NAP1L1: variants seen among roughly 807,000 people sequenced by gnomAD.
NAP1L1 encodes nucleosome assembly protein 1-like 1.
A neutral mutation model predicts 58.9 loss-of-function variants in NAP1L1; 9 were observed. That is an observed-to-expected ratio of 0.15 (90% CI 0.09 to 0.27). The LOEUF is 0.27. NAP1L1 is among the 10% of genes least tolerant of loss of function. The probability of loss-of-function intolerance (pLI) is 1.00; values close to 1 mark genes in which losing one functional copy is unlikely to be tolerated. For synonymous variants in NAP1L1, 130 were observed against 138.3 expected (o/e 0.94, Z 0.42); for missense variants, 302 against 458.8 (o/e 0.66, Z 3.12).
chr12:76,066,753 T>C (rs576468740), intron 4 of NAP1L1, among the ~76,000 whole-genome samples: 2 of 152,234 alleles, frequency 1.3e-5, no homozygotes, highest in African/African-American at 4.8e-5. Flanking sequence ...ACTTAAAGGC[T>C]TCCACACTCT....
intron 1 of NAP1L1, among the ~76,000 whole-genome samples, chr12:76,074,681 T>C (rs1009079745): frequency 2.6e-5 from 4 of 152,236 alleles, no homozygotes; most frequent in African/African-American, 9.6e-5. Flanking sequence ...TTTAGCAATA[T>C]TCATTTTATG....
rs142329196 is a variant in NAP1L1, at chr12:76,038,594, A to G, written c.*9835T>C. 1.3e-5 allele frequency: 2 copies of G among 152,332 alleles called. No homozygotes were observed. The highest frequency in any genetic ancestry group is 3.9e-4 in the East Asian group (2 of 5,192). The allele number at this position is 152,332 out of a possible 1,614,324, so 9.4% of individuals were successfully genotyped here. A position where few individuals can be genotyped will look rare whatever the true frequency, so the allele number is the denominator to read the frequency against. On this transcript the variant is annotated 3_prime_UTR_variant, in exon 15 of 15. Coordinates refer to ENST00000618691, the MANE Select transcript of NAP1L1 (RefSeq NM_004537.7). The stretch of plus-strand genomic sequence containing the variant: ...GTAGTGGTGTTACTTTAGAAGAACA[A>G]CTCAGGCTTCAGAGAGGGTAAGTTT...
At chr12:76,073,960 T>C (rs1950078202) in intron 2 of NAP1L1, 3 of 388,568 alleles carry the variant, frequency 7.7e-6, no homozygotes, top group Non-Finnish European at 1.4e-5. Flanking sequence ...GCTCAGCATT[T>C]TCTTAAAAAT....
At chr12:76,057,949 A>G (rs1949197944) in intron 6 of NAP1L1, 2 of 1,034,348 alleles carry the variant, frequency 1.9e-6, no homozygotes, top group Admixed American at 1.9e-5. Flanking sequence ...AACTTTTGAA[A>G]TTGATCTTAA....
intron 4 of NAP1L1, among the ~76,000 whole-genome samples, chr12:76,065,163 A>G (rs960143859): frequency 6.6e-6 from 1 of 152,110 alleles, no homozygotes; most frequent in African/African-American, 2.4e-5. Context: ...TATCCAAAAT[A>G]AGTATTTCCA....
intron 4 of NAP1L1, among the ~76,000 whole-genome samples, chr12:76,061,369 G>A (rs1592650179): frequency 6.6e-6 from 1 of 152,184 alleles, no homozygotes; most frequent in Admixed American, 6.5e-5. Flanking sequence ...TGGTAAGTAA[G>A]AATGTACGAT....
rs1056878830 is a variant in NAP1L1 at position 76,048,204 on chromosome 12, G to A, written c.*225C>T. On this transcript the variant is annotated 3_prime_UTR_variant, in exon 15 of 15. Coordinates refer to ENST00000618691, the MANE Select transcript of NAP1L1 (RefSeq NM_004537.7). ...CAGAAGAACCAAATTATGTAGCAAT[G>A]AATGAACATGCGTGACAGAATTTGT... is the stretch of plus-strand genomic sequence containing the variant. 1 of 450,860 alleles carries A rather than the reference G, an allele frequency of 2.2e-6. No individual in the cohort carries two copies. Among genetic ancestry groups the A allele is most frequent in the African/African-American group, 2.0e-5 (1 of 49,756 alleles). 27.9% of individuals were successfully genotyped at this position (450,860 alleles called of 1,614,324 possible).
chr12:76,070,103 T>C (rs1347160073), intron 2 of NAP1L1, among the ~76,000 whole-genome samples: 1 of 146,480 alleles, frequency 6.8e-6, no homozygotes, highest in East Asian at 2.1e-4. Context: ...TCAGAAATGA[T>C]ACATACAATT....
At chr12:76,078,802 T>C (rs1225626091) in intron 1 of NAP1L1, among the ~76,000 whole-genome samples, 2 of 152,158 alleles carry the variant, frequency 1.3e-5, no homozygotes, top group East Asian at 1.9e-4. Flanking sequence ...AATACTGAAA[T>C]GAAAAGACAT....
rs114188862 is a variant in NAP1L1 at position 76,049,137 on chromosome 12, A to G, written c.1140+63T>C. On this transcript the variant is annotated intron_variant, in intron 14 of 14. Coordinates refer to ENST00000618691, the MANE Select transcript of NAP1L1 (RefSeq NM_004537.7). ...TTAACGGAGAGAAACTTGATATTCA[A>G]AAACACCAACTCTTACTTTAGCTAT... 1.9e-3 allele frequency: 2,878 copies of G among 1,497,588 alleles called. 38 individuals are homozygous for G. In the African/African-American group the frequency reaches 0.035, roughly 18 times the overall value. 92.8% of individuals were successfully genotyped at this position (1,497,588 alleles called of 1,614,324 possible). A position where few individuals can be genotyped will look rare whatever the true frequency, so the allele number is the denominator to read the frequency against.
chr12:76,078,994 T>TACAC (rs756057648), intron 1 of NAP1L1, among the ~76,000 whole-genome samples: 1,772 of 151,398 alleles, frequency 0.012, 12 homozygotes, highest in Admixed American at 0.019. Context: ...TATATATATA[T>TACAC]ACACACACAC....
At position 76,037,846 on chromosome 12, in the gene NAP1L1, G is replaced by A. The variant is rs769354775; in HGVS notation, c.*10583C>T. On this transcript the variant is annotated 3_prime_UTR_variant, in exon 15 of 15. Coordinates refer to ENST00000618691, the MANE Select transcript of NAP1L1 (RefSeq NM_004537.7). Reference sequence around the variant, plus strand: ...ACTAAATATCCAAGATCCTGGATGAGTGTTTTCGCCATTGTACCTAACGGA... The same window carrying A: ...ACTAAATATCCAAGATCCTGGATGAATGTTTTCGCCATTGTACCTAACGGA... 1 of 152,178 alleles carries A rather than the reference G, an allele frequency of 6.6e-6. No individual in the cohort carries two copies. Among genetic ancestry groups the A allele is most frequent in the African/African-American group, 2.4e-5 (1 of 41,432 alleles). The allele number at this position is 152,178 out of a possible 1,614,324, so 9.4% of individuals were successfully genotyped here.
intron 4 of NAP1L1, among the ~76,000 whole-genome samples, chr12:76,061,345 C>T (rs902674838): frequency 6.6e-6 from 1 of 152,188 alleles, no homozygotes; most frequent in Non-Finnish European, 1.5e-5. Flanking sequence ...GAGTTCTCAT[C>T]ATTTAGCTCC....
chr12:76,056,751 G>A (rs981673726), intron 6 of NAP1L1: 3 of 415,018 alleles, frequency 7.2e-6, no homozygotes, highest in East Asian at 7.2e-5. Context: ...AGTGGCTCAC[G>A]CTTGTAATCC....
rs1035475290 is a variant in NAP1L1 at position 76,041,442 on chromosome 12, G to C, written c.*6987C>G. ...CATGCACAAAAGCCCAGTGGCAGAA[G>C]TAAAAGAAAAGGCAGCCAAGCAGAG... On this transcript the variant is annotated 3_prime_UTR_variant, in exon 15 of 15. Coordinates refer to ENST00000618691, the MANE Select transcript of NAP1L1 (RefSeq NM_004537.7). 1.3e-5 allele frequency: 2 copies of C among 152,260 alleles called. No individual in the cohort carries two copies. Among genetic ancestry groups the C allele is most frequent in the East Asian group, 1.9e-4 (1 of 5,190 alleles). 9.4% of individuals were successfully genotyped at this position (152,260 alleles called of 1,614,324 possible).
In NAP1L1 at chr12:76,039,175, C is replaced by G. The variant is rs1333310617; in HGVS notation, c.*9254G>C. 6.6e-6 allele frequency: 1 copy of G among 152,202 alleles called. No homozygotes were observed. Among genetic ancestry groups the G allele is most frequent in the African/African-American group, 2.4e-5 (1 of 41,460 alleles). The allele number at this position is 152,202 out of a possible 1,614,324, so 9.4% of individuals were successfully genotyped here. ...CAATGTGGCTGTCATCCTAACCTCC[C>G]TTGGCATTCACACCCAGCTCTATTT... On this transcript the variant is annotated 3_prime_UTR_variant, in exon 15 of 15. Coordinates refer to ENST00000618691, the MANE Select transcript of NAP1L1 (RefSeq NM_004537.7).
intron 10 of NAP1L1, 47 bp downstream of exon 10, chr12:76,053,158 G>A (rs369723268): frequency 1.2e-6 from 2 of 1,612,210 alleles, no homozygotes; most frequent in Non-Finnish European, 1.7e-6. Flanking sequence ...GCTAAGCAAT[G>A]CTTTTTATAA....
At chr12:76,084,297 A>T (rs1469042102) in intron 1 of NAP1L1, among the ~76,000 whole-genome samples, 2 of 152,136 alleles carry the variant, frequency 1.3e-5, no homozygotes, top group Non-Finnish European at 2.9e-5. Flanking sequence ...GGTGGAGCTC[A>T]GAGAACCTTA....
intron 6 of NAP1L1, chr12:76,059,528 A>G: frequency 2.9e-6 from 1 of 341,528 alleles, no homozygotes; most frequent in Non-Finnish European, 5.3e-6. Context: ...CAAATTGGAA[A>G]TAAGACTTGT....
Sources: allele counts gnomAD v4.1 joint callset (sites outside exome capture counted in the v4.1 genomes callset), GRCh38; gene constraint gnomAD v4.1.1; transcripts MANE v1.5; gene names NCBI Gene and HGNC (gene_info 2026-07-23, HGNC 2026-07-21).